The following HMCN1 variants were observed in gnomAD, a reference collection of about 807,000 sequenced individuals.
HMCN1 encodes hemicentin-1.
HMCN1 carries 321 observed loss-of-function variants against 625.9 expected under a neutral mutation model. That is an observed-to-expected ratio of 0.51 (90% CI 0.47 to 0.56). HMCN1 has a LOEUF of 0.56. Ranked by LOEUF, HMCN1 falls within the 20% of genes least tolerant of loss-of-function variation. The pLI, the probability that HMCN1 is intolerant of heterozygous loss-of-function variation, is 0.00. For missense variants in HMCN1, 6,588 were observed against 6,887.3 expected, an observed-to-expected ratio of 0.96 and a Z score of 1.54; for synonymous variants, 2,425 against 2,417.6, an observed-to-expected ratio of 1.00 and a Z score of -0.09.
chr1:185,816,773 T>C (rs920526661), intron 1 of HMCN1, among the ~76,000 whole-genome samples: 1 of 152,206 alleles, frequency 6.6e-6, no homozygotes, highest in African/African-American at 2.4e-5. Context: ...GTATACTTCC[T>C]TGGGTCCATC....
chr1:185,819,951 A>T (rs1011012884), intron 1 of HMCN1, among the ~76,000 whole-genome samples: 2 of 152,186 alleles, frequency 1.3e-5, no homozygotes, highest in African/African-American at 4.8e-5. Context: ...GGCAAGTCAC[A>T]GGAGAAGAAA....
chr1:185,760,928 A>G (rs1270893136), intron 1 of HMCN1, among the ~76,000 whole-genome samples: 1 of 152,306 alleles, frequency 6.6e-6, no homozygotes, highest in South Asian at 2.1e-4. Flanking sequence ...TGACTAGTAC[A>G]TGGTGGATCC....
chr1:185,829,084 A>G (rs1354444087), intron 1 of HMCN1, among the ~76,000 whole-genome samples: 1 of 152,196 alleles, frequency 6.6e-6, no homozygotes, highest in Non-Finnish European at 1.5e-5. Context: ...ATCATAGGGA[A>G]ACTATCTTGA....
chr1:186,052,520 G>C (rs1205127383), intron 42 of HMCN1, among the ~76,000 whole-genome samples: 1 of 151,990 alleles, frequency 6.6e-6, no homozygotes, highest in Non-Finnish European at 1.5e-5. Flanking sequence ...TTTAGTATAT[G>C]TTGTATGCCT....
rs78790965 is a variant in HMCN1 at position 186,084,554 on chromosome 1, C to G, written c.8884+1593C>G. Among the ~76,000 whole-genome samples the G allele has an allele frequency of 7.5e-3, 1,138 of 152,200 alleles. 17 individuals are homozygous for G. The highest frequency in any genetic ancestry group is 0.026 in the African/African-American group (1,100 of 41,512). ...CAATACCATTTGTTATCTCCCTCTACAACTCTGCTTGCTTCTTTTGTACTC... is the reference window on the plus strand; with the variant it reads ...CAATACCATTTGTTATCTCCCTCTAGAACTCTGCTTGCTTCTTTTGTACTC... On this transcript the variant is annotated intron_variant, in intron 57 of 106. Coordinates refer to ENST00000271588, the MANE Select transcript of HMCN1 (RefSeq NM_031935.3).
At position 185,977,891 on chromosome 1, in the gene HMCN1, T is replaced by G; in HGVS notation, c.2476T>G (p.Trp826Gly). Reference sequence around the variant, plus strand: ...GGGTTATCCAGAACCAACAATCAAATGGCGAAGATTAGACAACATGCCAAT... The same window carrying G: ...GGGTTATCCAGAACCAACAATCAAAGGGCGAAGATTAGACAACATGCCAAT... ...VQGYPEPTIK[W>G]RRLDNMPIFS... is the part of the protein sequence containing the mutation. The change falls in exon 16 of 107, where the codon TGG (tryptophan) becomes GGG (glycine). Residue 826 changes from tryptophan to glycine, a missense_variant. Transcript: ENST00000271588. 1 of 1,613,458 alleles carries G rather than the reference T, an allele frequency of 6.2e-7. No homozygotes were observed. Among genetic ancestry groups the G allele is most frequent in the South Asian group, 1.1e-5 (1 of 91,074 alleles).
At chr1:185,954,275 A>G (rs1571613211) in intron 11 of HMCN1, among the ~76,000 whole-genome samples, 1 of 152,342 alleles carries the variant, frequency 6.6e-6, no homozygotes, top group South Asian at 2.1e-4. Flanking sequence ...GTTTTCAGAA[A>G]TATAAATTAA....
chr1:185,854,150 T>G (rs1662325016), intron 2 of HMCN1, among the ~76,000 whole-genome samples: 1 of 152,188 alleles, frequency 6.6e-6, no homozygotes, highest in African/African-American at 2.4e-5. Flanking sequence ...ATAAATCTCA[T>G]TTTTTCAGAG....
At chr1:185,948,605 T>G (rs1353754172) in intron 11 of HMCN1, among the ~76,000 whole-genome samples, 1 of 151,552 alleles carries the variant, frequency 6.6e-6, no homozygotes, top group Non-Finnish European at 1.5e-5. Context: ...TGGAATGTCA[T>G]CAGTTAAGGT....
intron 68 of HMCN1, among the ~76,000 whole-genome samples, chr1:186,102,315 G>A (rs1384397651): frequency 2.0e-5 from 3 of 152,034 alleles, no homozygotes; most frequent in Non-Finnish European, 4.4e-5. Flanking sequence ...CTAAGAAGGA[G>A]AACTGACTTA....
chr1:185,821,713 C>A (rs997507262), intron 1 of HMCN1, among the ~76,000 whole-genome samples: 1 of 151,202 alleles, frequency 6.6e-6, no homozygotes, highest in African/African-American at 2.4e-5. Context: ...GACTTTAGAG[C>A]AAGGCCTGCT....
chr1:185,913,716 C>T (rs1485046509), intron 6 of HMCN1, among the ~76,000 whole-genome samples: 1 of 152,024 alleles, frequency 6.6e-6, no homozygotes, highest in African/African-American at 2.4e-5. Context: ...AAACTCTTGC[C>T]CAGAGGAGGG....
rs148440938 is a variant in HMCN1, at chr1:185,775,743, CACTG to C, written c.268+40700_268+40703del. ...TGAATTGGGGAAGACCTTCACAGTC[CACTG>C]ACTAAGTATGTGCTTTTTAATCAAG... On this transcript the variant is annotated intron_variant, in intron 1 of 106. Transcript: ENST00000271588. Among the ~76,000 whole-genome samples the C allele has an allele frequency of 3.2e-3, 482 of 152,292 alleles. 4 individuals carry two copies. Among genetic ancestry groups the C allele is most frequent in the African/African-American group, 0.011 (458 of 41,548 alleles).
In HMCN1 at chr1:186,117,628, G is replaced by A. The variant is rs891602896; in HGVS notation, c.11848+5G>A. The A allele has an allele frequency of 1.2e-6, 2 of 1,612,772 alleles. No individual in the cohort carries two copies. Among genetic ancestry groups the A allele is most frequent in the African/African-American group, 2.7e-5 (2 of 74,882 alleles). ...GCTATAGAATTCTGTCCTCAGGTAA[G>A]ACCAAGCTCAGTGATTTCACATCTA... On this transcript the variant is annotated splice_donor_5th_base_variant and intron_variant, in intron 77 of 106. Transcript: ENST00000271588.
rs1222318445 is a variant in HMCN1, at chr1:186,147,566, A to G, written c.14608+1643A>G. ...ACTGATTTTTCTGAGGCTGAATGCAATTGTATTTCTCTCCAATATATAATA... is the reference window on the plus strand; with the variant it reads ...ACTGATTTTTCTGAGGCTGAATGCAGTTGTATTTCTCTCCAATATATAATA... On this transcript the variant is annotated intron_variant, in intron 93 of 106. Coordinates refer to ENST00000271588, the MANE Select transcript of HMCN1 (RefSeq NM_031935.3). Among the ~76,000 whole-genome samples the G allele has an allele frequency of 2.6e-5, 4 of 152,156 alleles. No homozygotes were observed. The South Asian group carries it at 6.2e-4, about 24-fold the overall frequency.
chr1:185,984,828 C>A (rs753518936), intron 19 of HMCN1, among the ~76,000 whole-genome samples: 7 of 152,016 alleles, frequency 4.6e-5, no homozygotes, highest in African/African-American at 1.7e-4. Context: ...TTTTTCCATT[C>A]GTGACTAACA....
intron 82 of HMCN1, among the ~76,000 whole-genome samples, chr1:186,126,864 T>G (rs1661671466): frequency 6.6e-6 from 1 of 152,050 alleles, no homozygotes; most frequent in Admixed American, 6.6e-5. Context: ...GCCTTAAATT[T>G]TAAAGGGTTA....
intron 4 of HMCN1, among the ~76,000 whole-genome samples, chr1:185,901,618 G>C (rs1301678456): frequency 1.3e-5 from 2 of 151,674 alleles, no homozygotes; most frequent in Non-Finnish European, 3.0e-5. Flanking sequence ...TGTTTAAATG[G>C]TAGCCATCAA....
At chr1:186,087,888 C>A in intron 60 of HMCN1, 44 bp from the exon 61 acceptor site, 2 of 1,526,590 alleles carry the variant, frequency 1.3e-6, no homozygotes, top group Non-Finnish European at 1.8e-6. Context: ...GATTGGTCAT[C>A]TATAACTTAA....
Sources: allele counts gnomAD v4.1 joint callset (sites outside exome capture counted in the v4.1 genomes callset), GRCh38; gene constraint gnomAD v4.1.1; transcripts MANE v1.5; gene names NCBI Gene and HGNC (gene_info 2026-07-23, HGNC 2026-07-21).